The following RAB3C variants were observed in gnomAD, a reference collection of about 807,000 sequenced individuals.
The protein encoded by RAB3C is RAB3C, member RAS oncogene family, also known as ras-related protein Rab-3C.
RAB3C carries 17 observed loss-of-function variants against 26.4 expected under a neutral mutation model. That is an observed-to-expected ratio of 0.64 (90% CI 0.44 to 0.97). The LOEUF is 0.97. RAB3C is among the 50% of genes least tolerant of loss of function. The pLI is 0.00. For synonymous variants in RAB3C, 91 were observed against 95.9 expected (o/e 0.95, Z 0.30); for missense variants, 242 against 281.9 (o/e 0.86, Z 1.01).
intron 4 of RAB3C, among the ~76,000 whole-genome samples, chr5:58,828,726 CAG>C (rs898891781): frequency 6.6e-6 from 1 of 152,134 alleles, no homozygotes; most frequent in African/African-American, 2.4e-5. Flanking sequence ...CCTGCTGCAT[CAG>C]AGTTTTTGAA....
At chr5:58,654,695 CCT>C (rs367682764) in intron 2 of RAB3C, among the ~76,000 whole-genome samples, 5 of 151,234 alleles carry the variant, frequency 3.3e-5, no homozygotes, top group Non-Finnish European at 5.9e-5. Context: ...CCTCTTTTTC[CCT>C]CTCTCTCTCT....
intron 2 of RAB3C, among the ~76,000 whole-genome samples, chr5:58,656,065 G>A (rs1452367350): frequency 1.3e-5 from 2 of 152,166 alleles, no homozygotes; most frequent in South Asian, 2.1e-4. Context: ...GATTACAAGC[G>A]TGAGCCACCG....
intron 3 of RAB3C, among the ~76,000 whole-genome samples, chr5:58,784,316 A>G (rs1219655098): frequency 1.3e-5 from 2 of 152,212 alleles, no homozygotes; most frequent in East Asian, 3.8e-4. Flanking sequence ...ACAGTTCCAC[A>G]TGGCTGGGAA....
intron 4 of RAB3C, among the ~76,000 whole-genome samples, chr5:58,835,817 G>A (rs533120999): frequency 6.6e-6 from 1 of 152,158 alleles, no homozygotes; most frequent in Non-Finnish European, 1.5e-5. Context: ...GCAGTATTTG[G>A]ATTTGGATTT....
chr5:58,853,016 G>C lies in RAB3C; in HGVS notation c.*1665G>C, dbSNP rs945574544. 2.0e-5 allele frequency: 3 copies of C among 152,184 alleles called. No homozygotes were observed. Among genetic ancestry groups the C allele is most frequent in the African/African-American group, 4.8e-5 (2 of 41,450 alleles). The allele number at this position is 152,184 out of a possible 1,614,324, so 9.4% of individuals were successfully genotyped here. A position where few individuals can be genotyped will look rare whatever the true frequency, so the allele number is the denominator to read the frequency against. Reference sequence around the variant, plus strand: ...AAGTCAAAAGTTGGAAATTAGGGGAGAGAGCATTTGGAATGCTTTAAGCAT... The same window carrying C: ...AAGTCAAAAGTTGGAAATTAGGGGACAGAGCATTTGGAATGCTTTAAGCAT... On this transcript the variant is annotated 3_prime_UTR_variant, in exon 5 of 5. Transcript: ENST00000282878.
At position 58,851,494 on chromosome 5, in the gene RAB3C, C is replaced by A. The variant is rs1443586007; in HGVS notation, c.*143C>A. ...GTCAATGGCTCGTACGCATTCAATT[C>A]TTGGGAGCTTTCCTGTTTAATATGT... On this transcript the variant is annotated 3_prime_UTR_variant, in exon 5 of 5. Transcript: ENST00000282878. The A allele has an allele frequency of 1.7e-5, 10 of 574,972 alleles. No homozygotes were observed. The highest frequency in any genetic ancestry group is 2.5e-5 in the Non-Finnish European group (9 of 359,904). The allele number at this position is 574,972 out of a possible 1,614,324, so 35.6% of individuals were successfully genotyped here. A position where few individuals can be genotyped will look rare whatever the true frequency, so the allele number is the denominator to read the frequency against.
intron 2 of RAB3C, among the ~76,000 whole-genome samples, chr5:58,653,150 G>C (rs1747694311): frequency 6.6e-6 from 1 of 151,700 alleles, no homozygotes; most frequent in Non-Finnish European, 1.5e-5. Flanking sequence ...ACAGGCCCCA[G>C]TGTGTGATGT....
At chr5:58,728,738 G>A (rs900121693) in intron 3 of RAB3C, among the ~76,000 whole-genome samples, 2 of 151,956 alleles carry the variant, frequency 1.3e-5, no homozygotes, top group African/African-American at 2.4e-5. Context: ...GGCTCCACAG[G>A]TGATTCTGAA....
At chr5:58,841,071 A>T (rs1833860) in intron 4 of RAB3C, among the ~76,000 whole-genome samples, 1 of 152,104 alleles carries the variant, frequency 6.6e-6, no homozygotes, top group Non-Finnish European at 1.5e-5. Flanking sequence ...GATGGAGAGT[A>T]CAGGACCATT....
At chr5:58,716,200 T>C (rs1162680914) in intron 2 of RAB3C, among the ~76,000 whole-genome samples, 3 of 152,058 alleles carry the variant, frequency 2.0e-5, no homozygotes, top group Non-Finnish European at 4.4e-5. Flanking sequence ...GATGAGGTCA[T>C]TGATTATTTT....
At position 58,726,018 on chromosome 5, in the gene RAB3C, A is replaced by T. The variant is rs1316720942; in HGVS notation, c.269A>T (p.Glu90Val). Residue 90 changes from glutamate (E) to valine (V), a missense_variant, in exon 3 of 5, where the codon GAA becomes GTA. Coordinates refer to ENST00000282878, the MANE Select transcript of RAB3C (RefSeq NM_138453.4). ...KLQIWDTAGQERYRTITTAYY... is the reference protein window; with the variant it reads ...KLQIWDTAGQVRYRTITTAYY... The stretch of plus-strand genomic sequence containing the variant: ...ATTCTTTAGGACACAGCAGGCCAGG[A>T]AAGATACAGGACTATCACCACAGCC... 2 of 1,596,874 alleles carry T rather than the reference A, an allele frequency of 1.3e-6. No individual in the cohort carries two copies. The highest frequency in any genetic ancestry group is 1.7e-6 in the Non-Finnish European group (2 of 1,170,032).
chr5:58,741,156 C>G (rs1741265375), intron 3 of RAB3C, among the ~76,000 whole-genome samples: 1 of 152,152 alleles, frequency 6.6e-6, no homozygotes, highest in Non-Finnish European at 1.5e-5. Flanking sequence ...GGCAGTGTTC[C>G]AGAGCAGAAG....
intron 2 of RAB3C, among the ~76,000 whole-genome samples, chr5:58,647,903 A>C (rs1345976070): frequency 6.6e-6 from 1 of 152,182 alleles, no homozygotes; most frequent in African/African-American, 2.4e-5. Context: ...CTTTACAACA[A>C]CTGTTTGGGG....
intron 2 of RAB3C, among the ~76,000 whole-genome samples, chr5:58,706,551 G>A (rs16888457): frequency 0.023 from 3,442 of 152,058 alleles, 136 homozygotes; most frequent in African/African-American, 0.079. Context: ...TCTAACATTC[G>A]AGCTTCTTAT....
intron 3 of RAB3C, among the ~76,000 whole-genome samples, chr5:58,800,363 G>A (rs763881053): frequency 3.3e-5 from 5 of 152,150 alleles, no homozygotes; most frequent in South Asian, 4.1e-4. Flanking sequence ...GGAGGGAAAC[G>A]CTCACAGTAA....
At chr5:58,651,095 C>A (rs144864275) in intron 2 of RAB3C, among the ~76,000 whole-genome samples, 124 of 152,202 alleles carry the variant, frequency 8.1e-4, no homozygotes, top group African/African-American at 2.9e-3. Flanking sequence ...GCAAATTAGA[C>A]CCTATTTAAA....
At chr5:58,660,083 G>A (rs1292432864) in intron 2 of RAB3C, among the ~76,000 whole-genome samples, 1 of 145,034 alleles carries the variant, frequency 6.9e-6, no homozygotes, top group East Asian at 1.9e-4. Context: ...GGGATTACAG[G>A]TGTGAGCCAC....
Position 58,629,425 on chromosome 5 carries a change from C to T in RAB3C, c.252+11555C>T, listed in dbSNP as rs78305259. Among the ~76,000 whole-genome samples, 23 of 152,262 alleles carry T rather than the reference C, an allele frequency of 1.5e-4. No homozygotes were observed. In the East Asian group the frequency reaches 2.7e-3, roughly 18 times the overall value. ...ATTTATGAATGACTGCAGTGTGCTA[C>T]GCAAAGTGCTAGGCCATGGAGGAGA... On this transcript the variant is annotated intron_variant, in intron 2 of 4. Coordinates refer to ENST00000282878, the MANE Select transcript of RAB3C (RefSeq NM_138453.4).
intron 3 of RAB3C, among the ~76,000 whole-genome samples, chr5:58,766,330 C>G (rs1033804783): frequency 1.3e-5 from 2 of 152,030 alleles, no homozygotes; most frequent in Non-Finnish European, 2.9e-5. Flanking sequence ...CTTGGCCAAG[C>G]TGTTCTTGAA....
Sources: allele counts gnomAD v4.1 joint callset (sites outside exome capture counted in the v4.1 genomes callset), GRCh38; gene constraint gnomAD v4.1.1; transcripts MANE v1.5; gene names NCBI Gene and HGNC (gene_info 2026-07-23, HGNC 2026-07-21).